Variants in UMAD1 observed in about 807,000 individuals in gnomAD.
The protein encoded by UMAD1 is UBAP1-MVB12-associated (UMA) domain containing 1, also known as UBAP1-MVB12-associated (UMA)-domain containing protein 1.
UMAD1 carries 8 observed loss-of-function variants against 6.1 expected under a neutral mutation model. The observed-to-expected ratio is 1.30, with a 90% confidence interval of 0.76 to 2.35. The LOEUF (loss-of-function observed/expected upper bound fraction) is 2.35. UMAD1 is among the 30% of genes most tolerant of loss of function. The probability of loss-of-function intolerance (pLI) is 0.00; values close to 1 mark genes in which losing one functional copy is unlikely to be tolerated. For missense variants in UMAD1, 130 were observed against 78.4 expected (o/e 1.66, Z -2.49); for synonymous variants, 56 against 31.4 (o/e 1.78, Z -2.61).
At chr7:7,761,120 T>G (rs1399125779) in intron 2 of UMAD1, among the ~76,000 whole-genome samples, 1 of 152,104 alleles carries the variant, frequency 6.6e-6, no homozygotes, top group Non-Finnish European at 1.5e-5. Flanking sequence ...ATCCTAGTAC[T>G]TTGGGAGGCC....
chr7:7,794,451 G>A (rs1291864264), intron 2 of UMAD1, among the ~76,000 whole-genome samples: 6 of 152,176 alleles, frequency 3.9e-5, no homozygotes. Context: ...TAAACCAAAA[G>A]TAAGATCCTA....
chr7:7,725,017 G>T (rs1379930356), intron 2 of UMAD1, among the ~76,000 whole-genome samples: 1 of 152,132 alleles, frequency 6.6e-6, no homozygotes, highest in Non-Finnish European at 1.5e-5. Flanking sequence ...TGGACTTACT[G>T]GTGAGACATT....
chr7:7,744,007 C>T (rs1290776056), intron 2 of UMAD1, among the ~76,000 whole-genome samples: 5 of 151,978 alleles, frequency 3.3e-5, no homozygotes, highest in Non-Finnish European at 5.9e-5. Flanking sequence ...TAACCATTAC[C>T]ATAGTTAATT....
chr7:7,846,925 A>G (rs1344237306), intron 3 of UMAD1, among the ~76,000 whole-genome samples: 3 of 101,492 alleles, frequency 3.0e-5, no homozygotes, highest in African/African-American at 4.4e-5. Flanking sequence ...GGGAGGGGGT[A>G]GGGATAGCAT....
At position 7,699,893 on chromosome 7, in the gene UMAD1, C is replaced by A. The variant is rs112583322; in HGVS notation, c.82+26440C>A. On this transcript the variant is annotated intron_variant, in intron 2 of 3. Transcript: ENST00000682710. ...AATACTGTTTATATAAGTGGAAATA[C>A]GTGTTTTGTTTATTCATAGATTATA... Among the ~76,000 whole-genome samples the A allele has an allele frequency of 4.6e-3, 694 of 152,188 alleles. 4 individuals are homozygous for A. Among genetic ancestry groups the A allele is most frequent in the Middle Eastern group, 0.017 (5 of 294 alleles).
At chr7:7,665,705 T>C (rs990643695) in intron 1 of UMAD1, among the ~76,000 whole-genome samples, 1 of 152,126 alleles carries the variant, frequency 6.6e-6, no homozygotes, top group Non-Finnish European at 1.5e-5. Flanking sequence ...GTTCCTCCCC[T>C]CCCCAGGCAA....
intron 3 of UMAD1, among the ~76,000 whole-genome samples, chr7:7,822,340 T>C (rs1441084411): frequency 6.6e-6 from 1 of 152,076 alleles, no homozygotes; most frequent in Non-Finnish European, 1.5e-5. Context: ...GAATTAGTCA[T>C]CTAGTTTCTC....
intron 2 of UMAD1, among the ~76,000 whole-genome samples, chr7:7,788,031 G>A (rs1346201909): frequency 6.6e-6 from 1 of 152,118 alleles, no homozygotes; most frequent in Non-Finnish European, 1.5e-5. Context: ...TGCACCAGTC[G>A]GGAAACAGCC....
chr7:7,734,007 G>A (rs1781302576), intron 2 of UMAD1, among the ~76,000 whole-genome samples: 1 of 151,916 alleles, frequency 6.6e-6, no homozygotes, highest in Non-Finnish European at 1.5e-5. Context: ...AAATAGTTAA[G>A]GATTAACAGT....
chr7:7,834,968 A>C (rs1357724589), intron 3 of UMAD1, among the ~76,000 whole-genome samples: 1 of 151,780 alleles, frequency 6.6e-6, no homozygotes, highest in Admixed American at 6.5e-5. Flanking sequence ...AAAGGAAGCC[A>C]CACATTTTAA....
At chr7:7,731,464 A>C (rs187632269) in intron 2 of UMAD1, among the ~76,000 whole-genome samples, 1 of 150,214 alleles carries the variant, frequency 6.7e-6, no homozygotes, top group East Asian at 2.0e-4. Context: ...GAAAAGGAAA[A>C]GGAAAAGCAA....
chr7:7,704,025 C>T (rs1367831238), intron 2 of UMAD1, among the ~76,000 whole-genome samples: 1 of 152,048 alleles, frequency 6.6e-6, no homozygotes, highest in South Asian at 2.1e-4. Flanking sequence ...TACCTTAGAG[C>T]AACAGTTCTC....
chr7:7,784,191 A>G (rs1159070709), intron 2 of UMAD1, among the ~76,000 whole-genome samples: 1 of 151,980 alleles, frequency 6.6e-6, no homozygotes, highest in African/African-American at 2.4e-5. Context: ...CTCTTTTGTT[A>G]TTTGCTTCAC....
chr7:7,660,756 G>A (rs553754152), intron 1 of UMAD1, among the ~76,000 whole-genome samples: 64 of 152,192 alleles, frequency 4.2e-4, no homozygotes, highest in African/African-American at 1.4e-3. Flanking sequence ...TTTCAACCTT[G>A]GTGAATCTGG....
At chr7:7,662,285 C>G (rs1785493522) in intron 1 of UMAD1, among the ~76,000 whole-genome samples, 1 of 152,130 alleles carries the variant, frequency 6.6e-6, no homozygotes, top group South Asian at 2.1e-4. Flanking sequence ...CCACTTGGCT[C>G]CCTGGCTTCA....
At chr7:7,746,039 T>C (rs796517768) in intron 2 of UMAD1, among the ~76,000 whole-genome samples, 4 of 152,300 alleles carry the variant, frequency 2.6e-5, no homozygotes, top group African/African-American at 9.6e-5. Context: ...CTCAGCCAAT[T>C]GGTGCCTTTC....
rs189807819 is a variant in UMAD1, at chr7:7,812,234, C to G, written c.156+10491C>G. On this transcript the variant is annotated intron_variant, in intron 3 of 3. Transcript: ENST00000682710. ...TGTATGAGAGCAACCCTGTTTCCAT[C>G]CAAACTGCACATATGGTGTGGGTAA... is the stretch of plus-strand genomic sequence containing the variant. Among the ~76,000 whole-genome samples the G allele has an allele frequency of 5.3e-5, 8 of 152,276 alleles. No homozygotes were observed. The East Asian group carries it at 1.3e-3, about 26-fold the overall frequency.
intron 2 of UMAD1, among the ~76,000 whole-genome samples, chr7:7,708,148 C>T (rs28912694): frequency 0.05 from 7,608 of 152,278 alleles, 243 homozygotes; most frequent in Middle Eastern, 0.12. Context: ...GCGACATCCA[C>T]GCCATTATCA....
chr7:7,789,571 C>G (rs1173640869), intron 2 of UMAD1, among the ~76,000 whole-genome samples: 4 of 151,588 alleles, frequency 2.6e-5, no homozygotes, highest in Non-Finnish European at 5.9e-5. Context: ...CAACAGATCT[C>G]TAGAACTAAA....
Sources: allele counts gnomAD v4.1 joint callset (sites outside exome capture counted in the v4.1 genomes callset), GRCh38; gene constraint gnomAD v4.1.1; transcripts MANE v1.5; gene names NCBI Gene and HGNC (gene_info 2026-07-23, HGNC 2026-07-21).